Variants in NCOA2 observed in about 807,000 individuals in gnomAD.
NCOA2 encodes nuclear receptor coactivator 2, also known as class E basic helix-loop-helix protein 75.
Under a neutral mutation model 145.1 loss-of-function variants are expected in NCOA2, and 21 were observed. The observed-to-expected ratio is 0.14, with a 90% CI of 0.10 to 0.21. The LOEUF is 0.21. Ranked by LOEUF, NCOA2 falls within the 10% of genes least tolerant of loss-of-function variation. The pLI is 1.00. For missense variants in NCOA2, 1,472 were observed against 1,837.6 expected (o/e 0.80, Z 3.64); for synonymous variants, 619 against 637.5 (o/e 0.97, Z 0.44).
intron 1 of NCOA2, among the ~76,000 whole-genome samples, chr8:70,355,451 G>T (rs1168872622): frequency 6.6e-6 from 1 of 152,242 alleles, no homozygotes; most frequent in Non-Finnish European, 1.5e-5. Flanking sequence ...ATGAGGGGGT[G>T]AGAACTATCC....
intron 4 of NCOA2, among the ~76,000 whole-genome samples, chr8:70,182,000 T>C (rs936951605): frequency 4.6e-5 from 7 of 152,242 alleles, no homozygotes; most frequent in African/African-American, 1.7e-4. Context: ...ATTATGCATC[T>C]GCACCCAACT....
the NCOA2 span, among the ~76,000 whole-genome samples, chr8:70,439,987 G>A: frequency 6.8e-4 from 103 of 152,274 alleles, no homozygotes; most frequent in Non-Finnish European, 9.6e-4. Flanking sequence ...TCTGGGACCC[G>A]AAAAGGCCAC....
intron 1 of NCOA2, among the ~76,000 whole-genome samples, chr8:70,314,412 A>G (rs1381329244): frequency 6.6e-6 from 1 of 152,114 alleles, no homozygotes; most frequent in African/African-American, 2.4e-5. Context: ...AATTATGTCT[A>G]AACTACTTAC....
intron 1 of NCOA2, among the ~76,000 whole-genome samples, chr8:70,350,135 A>G (rs1809042769): frequency 6.6e-6 from 1 of 152,154 alleles, no homozygotes; most frequent in South Asian, 2.1e-4. Context: ...TATGATTTTG[A>G]ATAATGGCAA....
chr8:70,404,525 A>G (rs1418471941), upstream of NCOA2, among the ~76,000 whole-genome samples: 1 of 152,212 alleles, frequency 6.6e-6, no homozygotes, highest in African/African-American at 2.4e-5. Flanking sequence ...GCATCCGTCA[A>G]GTCCCCTACG....
At chr8:70,322,679 C>A (rs1280708092) in intron 1 of NCOA2, among the ~76,000 whole-genome samples, 2 of 152,084 alleles carry the variant, frequency 1.3e-5, no homozygotes, top group Non-Finnish European at 2.9e-5. Context: ...GCCTTAGTTT[C>A]TTCATTTGTA....
the NCOA2 span, among the ~76,000 whole-genome samples, chr8:70,438,959 T>G: frequency 5.4e-3 from 823 of 152,300 alleles, 6 homozygotes; most frequent in African/African-American, 0.019. Context: ...ATCCAGAAAT[T>G]TGGGCTTCTG....
At chr8:70,297,325 G>T (rs1304649260) in intron 1 of NCOA2, among the ~76,000 whole-genome samples, 6 of 151,896 alleles carry the variant, frequency 4.0e-5, no homozygotes, top group Non-Finnish European at 7.4e-5. Context: ...CTTATCTCAA[G>T]AATTATCTTT....
At chr8:70,435,949 C>T in the NCOA2 span, among the ~76,000 whole-genome samples, 1 of 152,096 alleles carries the variant, frequency 6.6e-6, no homozygotes, top group Admixed American at 6.6e-5. Flanking sequence ...CAGGTGCGTG[C>T]CACGACGTCT....
chr8:70,427,457 A>C, the NCOA2 span, among the ~76,000 whole-genome samples: 1,132 of 152,020 alleles, frequency 7.4e-3, 8 homozygotes, highest in African/African-American at 0.025. Flanking sequence ...CTAATCTTAC[A>C]TCTCTATTTA....
intron 7 of NCOA2, among the ~76,000 whole-genome samples, chr8:70,164,150 G>A (rs756884082): frequency 3.9e-4 from 60 of 152,278 alleles, no homozygotes; most frequent in African/African-American, 1.1e-3. Flanking sequence ...AAAATGCAGC[G>A]TGCACCAGAA....
chr8:70,148,489 G>C lies in NCOA2; in HGVS notation c.2395-6C>G. On this transcript the variant is annotated splice_region_variant and splice_polypyrimidine_tract_variant and intron_variant, in intron 11 of 22. Transcript: ENST00000452400. The stretch of plus-strand genomic sequence containing the variant: ...TTGTCCAGCTCACTGCCAGGCTGTA[G>C]TTGACAAACAGAAGAGTTTATCCAG... The C allele has an allele frequency of 1.2e-6, 2 of 1,612,200 alleles. No individual in the cohort carries two copies. Among genetic ancestry groups the C allele is most frequent in the Non-Finnish European group, 1.7e-6 (2 of 1,179,576 alleles).
intron 15 of NCOA2, among the ~76,000 whole-genome samples, chr8:70,132,639 A>T (rs1585768392): frequency 6.6e-6 from 1 of 152,318 alleles, no homozygotes; most frequent in East Asian, 1.9e-4. Context: ...ATCATGGCTC[A>T]CAGCAGCCTC....
chr8:70,324,900 T>C (rs540041844), intron 1 of NCOA2, among the ~76,000 whole-genome samples: 13 of 152,184 alleles, frequency 8.5e-5, no homozygotes, highest in East Asian at 1.9e-4. Context: ...TTTGGAAATT[T>C]TGAAAAATAG....
intron 4 of NCOA2, among the ~76,000 whole-genome samples, chr8:70,201,874 C>G (rs1416087207): frequency 6.6e-6 from 1 of 152,156 alleles, no homozygotes; most frequent in Non-Finnish European, 1.5e-5. Flanking sequence ...GTGGTTTTCT[C>G]TCATTCTCCT....
At chr8:70,275,986 T>C (rs981750082) in intron 2 of NCOA2, among the ~76,000 whole-genome samples, 1 of 152,200 alleles carries the variant, frequency 6.6e-6, no homozygotes, top group Admixed American at 6.5e-5. Flanking sequence ...AGGTAAAATA[T>C]TGACTGAGAT....
Position 70,128,602 on chromosome 8 carries a change from A to C in NCOA2, c.3604-92T>G, listed in dbSNP as rs1808722346. 2.5e-6 allele frequency: 4 copies of C among 1,590,130 alleles called. No individual in the cohort carries two copies. In the South Asian group the frequency reaches 4.5e-5, roughly 18 times the overall value. ...CCCAAGTAACTGCCCTCCCCAACCC[A>C]GTATCTGCACATTGTTGGACAGCTG... On this transcript the variant is annotated intron_variant, in intron 17 of 22. Coordinates refer to ENST00000452400, the MANE Select transcript of NCOA2 (RefSeq NM_006540.4).
intron 1 of NCOA2, among the ~76,000 whole-genome samples, chr8:70,377,739 T>C (rs1395178767): frequency 3.9e-5 from 6 of 152,138 alleles, no homozygotes; most frequent in Non-Finnish European, 7.4e-5. Flanking sequence ...TTAATTTAGA[T>C]AAAAAGTAAA....
At chr8:70,265,664 C>T (rs1824506247) in intron 2 of NCOA2, among the ~76,000 whole-genome samples, 1 of 152,148 alleles carries the variant, frequency 6.6e-6, no homozygotes, top group African/African-American at 2.4e-5. Flanking sequence ...TTTTTGATGT[C>T]AGAGACACTC....
Sources: gnomAD v4.1 joint callset for allele counts (sites outside exome capture counted in the v4.1 genomes callset) on GRCh38, gnomAD v4.1.1 for gene constraint, MANE v1.5 for transcripts, NCBI Gene and HGNC (gene_info 2026-07-23, HGNC 2026-07-21) for gene names.